The following ZPBP2 variants were observed in gnomAD, a reference collection of about 807,000 sequenced individuals.
ZPBP2 encodes the protein zona pellucida-binding protein 2.
ZPBP2 carries 34 observed loss-of-function variants against 37.5 expected under a neutral mutation model. That is an observed-to-expected ratio of 0.91 (90% CI 0.69 to 1.21). The LOEUF (loss-of-function observed/expected upper bound fraction) is 1.21, where lower values mean the gene tolerates loss of function less well. ZPBP2 is among the 50% of genes most tolerant of loss of function. The pLI is 0.00. For missense variants in ZPBP2, 397 were observed against 413.5 expected, an observed-to-expected ratio of 0.96 and a Z score of 0.35; for synonymous variants, 143 against 138.4, an observed-to-expected ratio of 1.03 and a Z score of -0.23.
chr17:39,875,883 CTTTTTTTTTTTTTTTTTTTTTT>C (rs34192567), intron 7 of ZPBP2, among the ~76,000 whole-genome samples: 1 of 63,770 alleles, frequency 1.6e-5, no homozygotes, highest in Non-Finnish European at 3.3e-5. Flanking sequence ...TGCTTGGCCC[CTTTTTTTTTTTTTTTTTTTTTT>C]TTTTTTTTTG....
At chr17:39,871,745 A>G in intron 4 of ZPBP2, 120 bp downstream of exon 4, 3 of 798,278 alleles carry the variant, frequency 3.8e-6, no homozygotes, top group Non-Finnish European at 5.6e-6. Context: ...ATGACTTACA[A>G]AATATTTTGG....
chr17:39,869,396 T>TCCTC (rs2063351051), intron 2 of ZPBP2, among the ~76,000 whole-genome samples: 1 of 146,280 alleles, frequency 6.8e-6, no homozygotes, highest in Admixed American at 6.8e-5. Context: ...TTTCTTTCCT[T>TCCTC]CCTTCCTTCT....
At chr17:39,869,679 A>G (rs1449271691) in intron 2 of ZPBP2, among the ~76,000 whole-genome samples, 1 of 146,984 alleles carries the variant, frequency 6.8e-6, no homozygotes, top group African/African-American at 2.5e-5. Flanking sequence ...TGCTGGGATT[A>G]CAGGCATGAG....
In ZPBP2 at chr17:39,870,864, T is replaced by A. The variant is rs1292658549; in HGVS notation, c.244+45T>A. ...GTACTTTTTTAATGATGTGAACATA[T>A]TTTTAGAAAATCACTGTTACTTATT... On this transcript the variant is annotated intron_variant, in intron 3 of 7. Transcript: ENST00000348931. 2.9e-6 allele frequency: 4 copies of A among 1,397,320 alleles called. No individual in the cohort carries two copies. The African/African-American group carries it at 4.3e-5, about 15-fold the overall frequency. The allele number at this position is 1,397,320 out of a possible 1,614,324, so 86.6% of individuals were successfully genotyped here.
chr17:39,868,425 G>A lies in ZPBP2; in HGVS notation c.52+19G>A. 1 of 1,611,170 alleles carries A rather than the reference G, an allele frequency of 6.2e-7. No homozygotes were observed. The highest frequency in any genetic ancestry group is 8.5e-7 in the Non-Finnish European group (1 of 1,179,880). ...ACAGGAGGTGGGGCTCCCTCCACCC[G>A]GTCCCCAGGCCTCTCCCTCTGCCCG... is the stretch of plus-strand genomic sequence containing the variant. On this transcript the variant is annotated intron_variant, in intron 1 of 7. Coordinates refer to ENST00000348931, the MANE Select transcript of ZPBP2 (RefSeq NM_199321.3).
chr17:39,876,970 C>A lies in ZPBP2; in HGVS notation c.*161C>A. 1.3e-6 allele frequency: 1 copy of A among 789,940 alleles called. No homozygotes were observed. The highest frequency in any genetic ancestry group is 1.8e-5 in the South Asian group (1 of 56,656). The allele number at this position is 789,940 out of a possible 1,614,324, so 48.9% of individuals were successfully genotyped here. ...AAAATAAATGGTTAACATGGCATTT[C>A]TAAGAAGGCATTTAATCCAGTATCT... On this transcript the variant is annotated 3_prime_UTR_variant, in exon 8 of 8. Transcript: ENST00000348931.
intron 3 of ZPBP2, among the ~76,000 whole-genome samples, chr17:39,871,128 T>C (rs1200412713): frequency 6.6e-6 from 1 of 152,160 alleles, no homozygotes; most frequent in African/African-American, 2.4e-5. Flanking sequence ...TTCATCATGT[T>C]AGAGTGCCTT....
intron 6 of ZPBP2, among the ~76,000 whole-genome samples, chr17:39,874,782 C>T (rs747351972): frequency 2.6e-5 from 4 of 151,914 alleles, no homozygotes; most frequent in African/African-American, 7.3e-5. Context: ...GACGGGGTCT[C>T]GCTCTGTCGC....
intron 7 of ZPBP2, among the ~76,000 whole-genome samples, chr17:39,875,883 C>CCA (rs1555647948): frequency 1.6e-5 from 1 of 63,770 alleles, no homozygotes; most frequent in African/African-American, 5.2e-5. Flanking sequence ...TGCTTGGCCC[C>CCA]TTTTTTTTTT....
Position 39,875,298 on chromosome 17 carries a change from T to A in ZPBP2, c.753T>A (p.Ile251=). 6.2e-7 allele frequency: 1 copy of A among 1,613,856 alleles called. No homozygotes were observed. Among genetic ancestry groups the A allele is most frequent in the Non-Finnish European group, 8.5e-7 (1 of 1,179,934 alleles). Residue 251 remains isoleucine (I), a synonymous_variant, in exon 7 of 8, where the codon ATT becomes ATA. Coordinates refer to ENST00000348931, the MANE Select transcript of ZPBP2 (RefSeq NM_199321.3). ...IEDFFRSQAY[I]FYHNFNKTLP... ...ACTTTTTTCGGAGCCAAGCATATAT[T>A]TTCTACCATAACTTTAATAAAACTC...
chr17:39,870,939 T>G (rs892834608), intron 3 of ZPBP2, 120 bp downstream of exon 3: 2 of 898,932 alleles, frequency 2.2e-6, no homozygotes, highest in Non-Finnish European at 3.1e-6. Context: ...TCTTGCTCCC[T>G]ACTTAGAAAA....
At chr17:39,874,557 G>A (rs1215972427) in intron 6 of ZPBP2, among the ~76,000 whole-genome samples, 1 of 151,598 alleles carries the variant, frequency 6.6e-6, no homozygotes, top group East Asian at 1.9e-4. Flanking sequence ...TCAGCTTCCC[G>A]AGTAGCTGGG....
In ZPBP2 at chr17:39,868,328, G is replaced by A. The variant is rs761739149; in HGVS notation, c.-27G>A. ...GGTAGGAGGGAGTCTGTCCCTCGAC[G>A]CCTCCTGCGACGCCAGCCCCTGAGC... On this transcript the variant is annotated 5_prime_UTR_variant, in exon 1 of 8. Transcript: ENST00000348931. 6.2e-7 allele frequency: 1 copy of A among 1,605,212 alleles called. No homozygotes were observed. Among genetic ancestry groups the A allele is most frequent in the East Asian group, 2.2e-5 (1 of 44,852 alleles).
At chr17:39,871,696 T>A in intron 4 of ZPBP2, 71 bp downstream of exon 4, 1 of 1,287,542 alleles carries the variant, frequency 7.8e-7, no homozygotes, top group Non-Finnish European at 1.0e-6. Flanking sequence ...TTTCTTCATT[T>A]AATGAAAATG....
chr17:39,875,945 G>A (rs1407173891), intron 7 of ZPBP2, among the ~76,000 whole-genome samples: 2 of 95,406 alleles, frequency 2.1e-5, no homozygotes, highest in Non-Finnish European at 4.3e-5. Context: ...TACCCAGGCT[G>A]CAGTGCAGTG....
rs2063362203 is a variant in ZPBP2, at chr17:39,870,927, T to C, written c.244+108T>C. On this transcript the variant is annotated intron_variant, in intron 3 of 7. Transcript: ENST00000348931. ...TTGAAATTTAATTTTAATGGCAGTT[T>C]CTCTTGCTCCCTACTTAGAAAAATC... 6.1e-6 allele frequency: 6 copies of C among 982,900 alleles called. No individual in the cohort carries two copies. In the East Asian group the frequency reaches 1.7e-4, roughly 28 times the overall value. 60.9% of individuals were successfully genotyped at this position (982,900 alleles called of 1,614,324 possible). A position where few individuals can be genotyped will look rare whatever the true frequency, so the allele number is the denominator to read the frequency against.
chr17:39,870,952 C>A, intron 3 of ZPBP2, 133 bp downstream of exon 3: 1 of 847,868 alleles, frequency 1.2e-6, no homozygotes, highest in South Asian at 3.7e-5. Flanking sequence ...TTAGAAAAAT[C>A]ATGTTATATT....
chr17:39,874,110 C>CAAGT, intron 6 of ZPBP2, among the ~76,000 whole-genome samples: 1 of 151,646 alleles, frequency 6.6e-6, no homozygotes, highest in Admixed American at 6.6e-5. Context: ...CTCAGCCTCC[C>CAAGT]AAGTAACTGG....
In ZPBP2 at chr17:39,877,808, A is replaced by G. The variant is rs1367461466; in HGVS notation, c.*999A>G. The G allele has an allele frequency of 6.6e-6, 1 of 152,174 alleles. No individual in the cohort carries two copies. Among genetic ancestry groups the G allele is most frequent in the South Asian group, 2.1e-4 (1 of 4,830 alleles). 9.4% of individuals were successfully genotyped at this position (152,174 alleles called of 1,614,324 possible). ...GCTGAATAATGTTCATTGTATGGAT[A>G]TAGCATAGTATGTTTATCCATTCGC... On this transcript the variant is annotated 3_prime_UTR_variant, in exon 8 of 8. Transcript: ENST00000348931.
Sources: allele counts gnomAD v4.1 joint callset (sites outside exome capture counted in the v4.1 genomes callset), GRCh38; gene constraint gnomAD v4.1.1; transcripts MANE v1.5; gene names NCBI Gene and HGNC (gene_info 2026-07-23, HGNC 2026-07-21).